The following SRRM3 variants were observed in gnomAD, a reference collection of about 807,000 sequenced individuals.
The protein encoded by SRRM3 is serine/arginine repetitive matrix 3.
A neutral mutation model predicts 66.2 loss-of-function variants in SRRM3; 27 were observed. The ratio of observed to expected loss-of-function variants is 0.41; its 90% confidence interval spans 0.30 to 0.56. The LOEUF (loss-of-function observed/expected upper bound fraction) is 0.56. SRRM3 is among the 20% of genes least tolerant of loss of function. SRRM3 has a pLI of 0.32. For synonymous variants in SRRM3, 391 were observed against 414.9 expected (o/e 0.94, Z 0.70); for missense variants, 918 against 991.9 (o/e 0.93, Z 1.00).
intron 1 of SRRM3, among the ~76,000 whole-genome samples, chr7:76,232,741 G>A (rs1801045396): frequency 6.6e-6 from 1 of 152,184 alleles, no homozygotes; most frequent in South Asian, 2.1e-4. Flanking sequence ...GTGGTGCGGA[G>A]TGGTGGAGAC....
chr7:76,241,394 A>G (rs1489057844), intron 2 of SRRM3, among the ~76,000 whole-genome samples: 3 of 152,236 alleles, frequency 2.0e-5, no homozygotes, highest in Non-Finnish European at 4.4e-5. Flanking sequence ...GTGCCATGCC[A>G]ACCTGGCAGG....
At chr7:76,225,886 T>C (rs781942179) in intron 1 of SRRM3, among the ~76,000 whole-genome samples, 27 of 151,980 alleles carry the variant, frequency 1.8e-4, no homozygotes, top group Non-Finnish European at 3.4e-4. Flanking sequence ...ACCCAGAGAG[T>C]TGAAGTCACG....
intron 9 of SRRM3, 113 bp downstream of exon 9, chr7:76,264,928 A>T: frequency 8.4e-7 from 1 of 1,196,240 alleles, no homozygotes; most frequent in South Asian, 1.5e-5. Context: ...TTTTGCCCAG[A>T]TGGAAAAATT....
At chr7:76,262,644 A>C (rs1801910343) in intron 8 of SRRM3, among the ~76,000 whole-genome samples, 1 of 151,356 alleles carries the variant, frequency 6.6e-6, no homozygotes. Flanking sequence ...CAACATAGTC[A>C]GTCTCTACTG....
intron 1 of SRRM3, among the ~76,000 whole-genome samples, chr7:76,206,127 C>A (rs1331246520): frequency 2.0e-5 from 3 of 152,176 alleles, no homozygotes; most frequent in Admixed American, 1.3e-4. Flanking sequence ...CCCGCCTCAG[C>A]CTCCCGAATA....
rs1188097215 is a variant in SRRM3 at position 76,223,790 on chromosome 7, TC to T, written c.-39-11235del. On this transcript the variant is annotated intron_variant, in intron 1 of 14. Coordinates refer to ENST00000611745, the MANE Select transcript of SRRM3 (RefSeq NM_001110199.3). ...CCACTGTAGCCCTCTTAGCCAAGGG[TC>T]CCTGGATCTTAACATGCCCTTGGCT... Among the ~76,000 whole-genome samples the T allele has an allele frequency of 1.1e-3, 169 of 150,720 alleles. 1 individual carries two copies. The highest frequency in any genetic ancestry group is 2.2e-3 in the Non-Finnish European group (149 of 67,696).
At chr7:76,270,530 G>A (rs1243085651) in intron 11 of SRRM3, among the ~76,000 whole-genome samples, 5 of 151,700 alleles carry the variant, frequency 3.3e-5, no homozygotes, top group Admixed American at 1.3e-4. Flanking sequence ...ACAAAAATTC[G>A]GCTGGCCATG....
chr7:76,219,901 T>C (rs1202251454), intron 1 of SRRM3, among the ~76,000 whole-genome samples: 3 of 151,892 alleles, frequency 2.0e-5, no homozygotes, highest in Non-Finnish European at 4.4e-5. Context: ...CACAGCGAGA[T>C]ACTGTCTCAA....
intron 3 of SRRM3, among the ~76,000 whole-genome samples, chr7:76,259,440 A>G (rs7779291): frequency 0.99 from 150,928 of 152,064 alleles, 74,900 homozygotes; most frequent in Middle Eastern, 1. Context: ...TAGCCAGGGT[A>G]GGGGTCCACG....
chr7:76,253,093 G>T (rs1279383385), intron 3 of SRRM3, among the ~76,000 whole-genome samples: 1 of 152,102 alleles, frequency 6.6e-6, no homozygotes, highest in Non-Finnish European at 1.5e-5. Context: ...GAACCCAGGA[G>T]GTGGAAGTTG....
chr7:76,212,802 C>G (rs559700858), intron 1 of SRRM3, among the ~76,000 whole-genome samples: 1 of 151,990 alleles, frequency 6.6e-6, no homozygotes, highest in African/African-American at 2.4e-5. Context: ...CAAGGTGGAC[C>G]GTACACACTA....
intron 11 of SRRM3, among the ~76,000 whole-genome samples, chr7:76,281,115 T>TCTCTCTTC (rs1491520010): frequency 6.7e-6 from 1 of 149,976 alleles, no homozygotes; most frequent in Non-Finnish European, 1.5e-5. Flanking sequence ...CTGCTCTTTT[T>TCTCTCTTC]CTCTCTTCCT....
chr7:76,282,050 A>G (rs1218453481), intron 12 of SRRM3, among the ~76,000 whole-genome samples: 19 of 105,292 alleles, frequency 1.8e-4, no homozygotes, highest in African/African-American at 7.1e-4. Context: ...CTCCCTCTCC[A>G]CGGACCCCAA....
In SRRM3 at chr7:76,260,098, C is replaced by A. The variant is rs1297710779; in HGVS notation, c.465-19C>A. Reference sequence around the variant, plus strand: ...GCTGCCCCCCCTCACCGCCCCCACCCCCGCCCCTTCTCCCCCAGGACCAAG... The same window carrying A: ...GCTGCCCCCCCTCACCGCCCCCACCACCGCCCCTTCTCCCCCAGGACCAAG... On this transcript the variant is annotated intron_variant, in intron 4 of 14. Coordinates refer to ENST00000611745, the MANE Select transcript of SRRM3 (RefSeq NM_001110199.3). 2 of 1,404,656 alleles carry A rather than the reference C, an allele frequency of 1.4e-6. No individual in the cohort carries two copies. The highest frequency in any genetic ancestry group is 2.6e-4 in the Middle Eastern group (1 of 3,792). 87.0% of individuals were successfully genotyped at this position (1,404,656 alleles called of 1,614,324 possible). A position where few individuals can be genotyped will look rare whatever the true frequency, so the allele number is the denominator to read the frequency against.
At chr7:76,216,519 C>T (rs78663390) in intron 1 of SRRM3, among the ~76,000 whole-genome samples, 3 of 152,004 alleles carry the variant, frequency 2.0e-5, no homozygotes, top group Non-Finnish European at 2.9e-5. Context: ...TCTTCAATGG[C>T]GAGTCCCTGG....
At chr7:76,227,981 T>C (rs1204075280) in intron 1 of SRRM3, among the ~76,000 whole-genome samples, 8 of 152,182 alleles carry the variant, frequency 5.3e-5, no homozygotes, top group African/African-American at 1.9e-4. Flanking sequence ...GCTATTCTCA[T>C]GCCTCATCTT....
At chr7:76,215,277 A>T (rs1800531166) in intron 1 of SRRM3, among the ~76,000 whole-genome samples, 1 of 151,820 alleles carries the variant, frequency 6.6e-6, no homozygotes, top group Admixed American at 6.6e-5. Context: ...GGAAGAGAGA[A>T]AAAAAAAGCC....
Position 76,281,792 on chromosome 7 carries a change from C to G in SRRM3, c.1360C>G (p.His454Asp), listed in dbSNP as rs1467394048. The G allele has an allele frequency of 2.9e-6, 4 of 1,383,808 alleles. No homozygotes were observed. Among genetic ancestry groups the G allele is most frequent in the Non-Finnish European group, 3.7e-6 (4 of 1,069,742 alleles). 85.7% of individuals were successfully genotyped at this position (1,383,808 alleles called of 1,614,324 possible). A position where few individuals can be genotyped will look rare whatever the true frequency, so the allele number is the denominator to read the frequency against. The change falls in exon 12 of 15, where the codon CAC becomes GAC. Residue 454 changes from histidine to aspartate, a missense_variant. By Grantham distance (81) the His-to-Asp change is moderately conservative (BLOSUM62 -1). Transcript: ENST00000611745. Reference protein sequence around the residue: ...EPGSERGHGGHGKRAKERPPR... With the variant: ...EPGSERGHGGDGKRAKERPPR... Reference sequence around the variant, plus strand: ...CGGCTCTGAGCGAGGCCACGGCGGACACGGGAAACGGTGAGCGTGCTGGAC... The same window carrying G: ...CGGCTCTGAGCGAGGCCACGGCGGAGACGGGAAACGGTGAGCGTGCTGGAC...
chr7:76,281,585 AGGC>A lies in SRRM3; in HGVS notation c.1170_1172del (p.Arg395del), dbSNP rs1165004777. On this transcript the variant is annotated inframe_deletion, in exon 12 of 15. Transcript: ENST00000611745. ...AGGCCGCGCGGCGGGCGGGGCGGGC[AGGC>A]GGCGGCGGCGGCGGCGTAGGCGGCG... 51 of 981,374 alleles carry A rather than the reference AGGC, an allele frequency of 5.2e-5. No individual in the cohort carries two copies. Among genetic ancestry groups the A allele is most frequent in the Non-Finnish European group, 5.7e-5 (47 of 828,562 alleles). 60.8% of individuals were successfully genotyped at this position (981,374 alleles called of 1,614,324 possible).
Sources: gnomAD v4.1 joint callset for allele counts (sites outside exome capture counted in the v4.1 genomes callset) on GRCh38, gnomAD v4.1.1 for gene constraint, MANE v1.5 for transcripts, NCBI Gene and HGNC (gene_info 2026-07-23, HGNC 2026-07-21) for gene names.